The following TRAPPC9 variants were observed in gnomAD, a reference collection of about 807,000 sequenced individuals.
TRAPPC9 encodes trafficking protein particle complex subunit 9.
TRAPPC9 carries 83 observed loss-of-function variants against 124.0 expected under a neutral mutation model. The ratio of observed to expected loss-of-function variants is 0.67; its 90% CI spans 0.56 to 0.80. The LOEUF (loss-of-function observed/expected upper bound fraction) is 0.80. TRAPPC9 is among the 30% of genes least tolerant of loss of function. The pLI, the probability that TRAPPC9 is intolerant of heterozygous loss-of-function variation, is 0.00. For missense variants in TRAPPC9, 1,302 were observed against 1,508.3 expected, an observed-to-expected ratio of 0.86 and a Z score of 2.27; for synonymous variants, 638 against 617.5, an observed-to-expected ratio of 1.03 and a Z score of -0.49.
chr8:140,272,923 C>T (rs1203109997), intron 15 of TRAPPC9, among the ~76,000 whole-genome samples: 1 of 151,272 alleles, frequency 6.6e-6, no homozygotes, highest in Non-Finnish European at 1.5e-5. Flanking sequence ...GTGGAGAGGA[C>T]ACACACCTAA....
chr8:140,209,178 A>G (rs2062998280), intron 17 of TRAPPC9, among the ~76,000 whole-genome samples: 1 of 152,158 alleles, frequency 6.6e-6, no homozygotes, highest in South Asian at 2.1e-4. Flanking sequence ...TCCGCCTAAA[A>G]CAACGAGCAG....
chr8:140,287,698 G>A lies in TRAPPC9; in HGVS notation c.1891C>T (p.Pro631Ser), dbSNP rs2065530399. ...TCAGCCGGAAGAGAAAGCGCCGCAG[G>A]GAGAGACTCGAACTCCACTCCGCTG... ...LTSGVEFESL[P>S]AALSLPAESG... Residue 631 changes from proline to serine, a missense_variant, in exon 13 of 23, where the codon CCT becomes TCT. Transcript: ENST00000438773. The A allele has an allele frequency of 6.2e-7, 1 of 1,614,094 alleles. No individual in the cohort carries two copies. Among genetic ancestry groups the A allele is most frequent in the African/African-American group, 1.3e-5 (1 of 74,926 alleles).
At chr8:140,209,123 T>A (rs1179687059) in intron 17 of TRAPPC9, among the ~76,000 whole-genome samples, 1 of 152,212 alleles carries the variant, frequency 6.6e-6, no homozygotes, top group East Asian at 1.9e-4. Context: ...GTGGACACAC[T>A]CTGCCTCTTC....
At chr8:140,061,570 C>T (rs1369849774) in intron 17 of TRAPPC9, among the ~76,000 whole-genome samples, 1 of 152,188 alleles carries the variant, frequency 6.6e-6, no homozygotes, top group East Asian at 1.9e-4. Flanking sequence ...GAGAGGCGCC[C>T]TGTCCAGCCC....
At chr8:140,299,487 T>C (rs1216270358) in intron 11 of TRAPPC9, among the ~76,000 whole-genome samples, 1 of 152,214 alleles carries the variant, frequency 6.6e-6, no homozygotes, top group East Asian at 1.9e-4. Flanking sequence ...AAGAAAGCAC[T>C]GGATATCAAA....
At chr8:140,208,618 G>C (rs1587927725) in intron 17 of TRAPPC9, among the ~76,000 whole-genome samples, 1 of 152,366 alleles carries the variant, frequency 6.6e-6, no homozygotes, top group East Asian at 1.9e-4. Flanking sequence ...CAATTCTTTA[G>C]AGGTCATTTC....
intron 17 of TRAPPC9, among the ~76,000 whole-genome samples, chr8:140,190,965 T>C (rs964687257): frequency 1.3e-5 from 2 of 152,160 alleles, no homozygotes; most frequent in African/African-American, 4.8e-5. Context: ...AAGTTCAGTG[T>C]CCAGGACCAA....
chr8:140,094,095 C>G (rs1466295014), intron 17 of TRAPPC9, among the ~76,000 whole-genome samples: 1 of 152,184 alleles, frequency 6.6e-6, no homozygotes, highest in Non-Finnish European at 1.5e-5. Flanking sequence ...GCACATTCTG[C>G]CCACTCATCG....
intron 17 of TRAPPC9, among the ~76,000 whole-genome samples, chr8:140,045,398 G>A (rs1841521357): frequency 1.3e-5 from 2 of 152,056 alleles, no homozygotes; most frequent in South Asian, 4.1e-4. Context: ...GACCGAGGCG[G>A]GTGGATCACC....
intron 17 of TRAPPC9, among the ~76,000 whole-genome samples, chr8:140,120,611 T>C (rs1044677318): frequency 1.4e-5 from 2 of 138,124 alleles, no homozygotes; most frequent in Non-Finnish European, 3.1e-5. Flanking sequence ...TCATCCAACA[T>C]CCATCCATCC....
At chr8:139,767,752 G>C (rs1011410597) in intron 21 of TRAPPC9, among the ~76,000 whole-genome samples, 8 of 152,236 alleles carry the variant, frequency 5.3e-5, no homozygotes, top group Non-Finnish European at 8.8e-5. Flanking sequence ...AAGGCGCCAG[G>C]CCTCTCCAGT....
intron 20 of TRAPPC9, among the ~76,000 whole-genome samples, chr8:139,888,271 G>A (rs906299280): frequency 6.6e-6 from 1 of 152,202 alleles, no homozygotes; most frequent in African/African-American, 2.4e-5. Context: ...GCTTGGTGCC[G>A]AAAAGGGCAG....
At chr8:139,928,785 TG>T (rs1323166682) in intron 19 of TRAPPC9, among the ~76,000 whole-genome samples, 2 of 151,004 alleles carry the variant, frequency 1.3e-5, no homozygotes, top group African/African-American at 4.9e-5. Context: ...CCGTACAGTC[TG>T]TGTATGGCGC....
At chr8:140,089,615 A>C (rs1012676760) in intron 17 of TRAPPC9, among the ~76,000 whole-genome samples, 4 of 152,160 alleles carry the variant, frequency 2.6e-5, no homozygotes, top group African/African-American at 9.7e-5. Context: ...GGAGCTGCCT[A>C]AGCTGCCTTC....
chr8:139,806,433 T>C (rs1476996965), intron 21 of TRAPPC9, among the ~76,000 whole-genome samples: 1 of 152,188 alleles, frequency 6.6e-6, no homozygotes, highest in African/African-American at 2.4e-5. Flanking sequence ...CTTGGCCACC[T>C]GGATGTTTCC....
Position 140,405,593 on chromosome 8 carries a change from A to T in TRAPPC9, c.992T>A (p.Ile331Asn), listed in dbSNP as rs772594985. ...TAAAATCACCTTGCTGTAATAGGAA[A>T]TCGCCTCTTTATACTTGTCAATTAT... Reference protein sequence around the residue: ...EDIIDKYKEAISYYSKYKNAG... With the variant: ...EDIIDKYKEANSYYSKYKNAG... Residue 331 changes from isoleucine (I) to asparagine (N), a missense_variant, in exon 6 of 23, where the codon ATT becomes AAT. Coordinates refer to ENST00000438773, the MANE Select transcript of TRAPPC9 (RefSeq NM_001160372.4). 6.2e-7 allele frequency: 1 copy of T among 1,614,180 alleles called. No individual in the cohort carries two copies. The highest frequency in any genetic ancestry group is 1.1e-5 in the South Asian group (1 of 91,080).
chr8:140,326,632 T>C (rs565291089), intron 9 of TRAPPC9, among the ~76,000 whole-genome samples: 50 of 152,078 alleles, frequency 3.3e-4, no homozygotes, highest in Non-Finnish European at 6.3e-4. Flanking sequence ...TCCCTGCACT[T>C]TGGGAAGCCA....
At chr8:140,227,980 G>A (rs187167819) in intron 16 of TRAPPC9, among the ~76,000 whole-genome samples, 6 of 152,326 alleles carry the variant, frequency 3.9e-5, no homozygotes, top group Admixed American at 3.9e-4. Flanking sequence ...TGAGCTTCCA[G>A]AAAAGCTCAC....
intron 17 of TRAPPC9, among the ~76,000 whole-genome samples, chr8:140,215,196 C>A (rs566463882): frequency 1.3e-5 from 2 of 152,266 alleles, no homozygotes; most frequent in South Asian, 4.1e-4. Flanking sequence ...GGATCTCAGG[C>A]AAACCCAACT....
Sources: gnomAD v4.1 joint callset for allele counts (sites outside exome capture counted in the v4.1 genomes callset) on GRCh38, gnomAD v4.1.1 for gene constraint, MANE v1.5 for transcripts, NCBI Gene and HGNC (gene_info 2026-07-23, HGNC 2026-07-21) for gene names.